The following SRSF4 variants were observed in gnomAD, a reference collection of about 807,000 sequenced individuals.
SRSF4 encodes the protein serine/arginine-rich splicing factor 4.
A neutral mutation model predicts 48.8 loss-of-function variants in SRSF4; 12 were observed. The ratio of observed to expected loss-of-function variants is 0.25; its 90% confidence interval spans 0.16 to 0.40. The LOEUF is 0.40. Ranked by LOEUF, SRSF4 falls within the 10% of genes least tolerant of loss-of-function variation. SRSF4 has a pLI of 1.00. For synonymous variants in SRSF4, 248 were observed against 232.5 expected (o/e 1.07, Z -0.61); for missense variants, 466 against 667.1 (o/e 0.70, Z 3.32).
chr1:29,153,301 C>G (rs1672443295), intron 4 of SRSF4, among the ~76,000 whole-genome samples: 1 of 151,392 alleles, frequency 6.6e-6, no homozygotes, highest in African/African-American at 2.4e-5. Context: ...TCATGCCTGG[C>G]TAATTTTTTT....
chr1:29,153,623 G>A (rs1020898841), intron 4 of SRSF4, among the ~76,000 whole-genome samples: 5 of 147,134 alleles, frequency 3.4e-5, no homozygotes, highest in African/African-American at 5.0e-5. Flanking sequence ...TTTTTGAGAC[G>A]GTGTTTTGCT....
At position 29,150,483 on chromosome 1, in the gene SRSF4, C is replaced by T. The variant is rs529319803; in HGVS notation, c.579-291G>A. Among the ~76,000 whole-genome samples, 5 of 152,118 alleles carry T rather than the reference C, an allele frequency of 3.3e-5. No homozygotes were observed. The East Asian group carries it at 7.7e-4, about 24-fold the overall frequency. On this transcript the variant is annotated intron_variant, in intron 4 of 5. Transcript: ENST00000373795. Reference sequence around the variant, plus strand: ...TTCTCCATGTTGGTCAGGCTGGTTTCGAACTCCTGACCTCAGGTGATCCAC... The same window carrying T: ...TTCTCCATGTTGGTCAGGCTGGTTTTGAACTCCTGACCTCAGGTGATCCAC...
intron 1 of SRSF4, chr1:29,168,769 T>C (rs1672703125): frequency 1.3e-5 from 2 of 152,216 alleles, no homozygotes; most frequent in Non-Finnish European, 2.9e-5. Flanking sequence ...AGATGAAGAC[T>C]TGGATCTAGA....
At chr1:29,155,044 C>G in intron 3 of SRSF4, 134 bp from the exon 4 acceptor site, 1 of 808,730 alleles carries the variant, frequency 1.2e-6, no homozygotes, top group South Asian at 1.8e-5. Flanking sequence ...ATATTTTCAT[C>G]TACCCATCAA....
rs1672332960 is a variant in SRSF4 at position 29,148,072 on chromosome 1, A to C, written c.*338T>G. ...AAGAGCAAAAATGGTTGAACTCACCATACCTACCTATGTGGTCATTCCAGC... is the reference window on the plus strand; with the variant it reads ...AAGAGCAAAAATGGTTGAACTCACCCTACCTACCTATGTGGTCATTCCAGC... On this transcript the variant is annotated 3_prime_UTR_variant, in exon 6 of 6. Coordinates refer to ENST00000373795, the MANE Select transcript of SRSF4 (RefSeq NM_005626.5). The C allele has an allele frequency of 2.0e-6, 1 of 504,300 alleles. No individual in the cohort carries two copies. The highest frequency in any genetic ancestry group is 3.9e-6 in the Non-Finnish European group (1 of 259,290). 31.2% of individuals were successfully genotyped at this position (504,300 alleles called of 1,614,324 possible).
Position 29,148,537 on chromosome 1 carries a change from T to A in SRSF4, c.1358A>T (p.Asn453Ile). The A allele has an allele frequency of 6.2e-7, 1 of 1,614,002 alleles. No individual in the cohort carries two copies. Among genetic ancestry groups the A allele is most frequent in the Non-Finnish European group, 8.5e-7 (1 of 1,180,002 alleles). The change falls in exon 6 of 6, where the codon AAC becomes ATC. Residue 453 changes from asparagine to isoleucine, a missense_variant. Asn to Ile is a moderately radical substitution (Grantham distance 149). Around this residue, in one of 2 missense-constraint regions of SRSF4, gnomAD observed 402 missense variants for 437.0 expected, o/e 0.92. Coordinates refer to ENST00000373795, the MANE Select transcript of SRSF4 (RefSeq NM_005626.5). ...TCTGGAGCGTGATTCTGATGGAAGG[T>A]TTGGTTTCGATTTGGAATTGGATCT... ...RSRSNSKSKP[N>I]LPSESRSRSK... is the part of the protein sequence containing the mutation.
chr1:29,148,942 C>T lies in SRSF4; in HGVS notation c.953G>A (p.Ser318Asn). ...GCTCTTCTCCTGGCTCCTGCCCCTG[C>T]TCACACTCCCTCGCTTCTCCTCCTC... ...RVEEEKRGSV[S>N]RGRSQEKSLR... Residue 318 changes from serine (S) to asparagine (N), a missense_variant, in exon 6 of 6, where the codon AGC becomes AAC. Transcript: ENST00000373795. The T allele has an allele frequency of 6.2e-7, 1 of 1,611,504 alleles. No individual in the cohort carries two copies. Among genetic ancestry groups the T allele is most frequent in the South Asian group, 1.1e-5 (1 of 90,956 alleles).
In SRSF4 at chr1:29,178,583, C is replaced by A. The variant is rs563256943; in HGVS notation, c.107+3063G>T. Among the ~76,000 whole-genome samples the A allele has an allele frequency of 3.3e-5, 5 of 151,942 alleles. No individual in the cohort carries two copies. In the South Asian group the frequency reaches 1.0e-3, roughly 32 times the overall value. On this transcript the variant is annotated intron_variant, in intron 1 of 5. Transcript: ENST00000373795. ...ATCTTAACCAGGATGGTCTCGATCT[C>A]CTGACCTCGTCATCTGCCCGCCTCG... is the stretch of plus-strand genomic sequence containing the variant.
chr1:29,155,953 G>A (rs1672492890), intron 3 of SRSF4, among the ~76,000 whole-genome samples: 3 of 152,146 alleles, frequency 2.0e-5, no homozygotes, highest in Admixed American at 2.0e-4. Flanking sequence ...ATAAATAAGA[G>A]GAGATATGAT....
intron 1 of SRSF4, chr1:29,171,581 C>T (rs1672745296): frequency 6.6e-6 from 1 of 151,768 alleles, no homozygotes; most frequent in African/African-American, 2.4e-5. Flanking sequence ...ATAAGTCATA[C>T]AAATGCATTA....
intron 1 of SRSF4, among the ~76,000 whole-genome samples, chr1:29,164,127 A>G (rs1672636777): frequency 6.6e-6 from 1 of 152,218 alleles, no homozygotes; most frequent in East Asian, 1.9e-4. Flanking sequence ...CTGGGATTAC[A>G]GGCACACGCC....
intron 1 of SRSF4, chr1:29,166,131 G>C (rs1672666090): frequency 6.6e-6 from 1 of 152,148 alleles, no homozygotes; most frequent in Non-Finnish European, 1.5e-5. Context: ...CCTCAATCTA[G>C]AGTCAGTAGC....
At chr1:29,167,394 T>C (rs200751433) in intron 1 of SRSF4, among the ~76,000 whole-genome samples, 1 of 151,614 alleles carries the variant, frequency 6.6e-6, no homozygotes, top group Admixed American at 6.5e-5. Context: ...TTTTTGTTTT[T>C]GTTTTTTTGA....
In SRSF4 at chr1:29,148,070, C is replaced by T; in HGVS notation, c.*340G>A. 2.0e-6 allele frequency: 1 copy of T among 501,038 alleles called. No individual in the cohort carries two copies. Among genetic ancestry groups the T allele is most frequent in the Non-Finnish European group, 3.9e-6 (1 of 257,070 alleles). 31.0% of individuals were successfully genotyped at this position (501,038 alleles called of 1,614,324 possible). ...TCAAGAGCAAAAATGGTTGAACTCA[C>T]CATACCTACCTATGTGGTCATTCCA... On this transcript the variant is annotated 3_prime_UTR_variant, in exon 6 of 6. Coordinates refer to ENST00000373795, the MANE Select transcript of SRSF4 (RefSeq NM_005626.5).
chr1:29,178,559 T>C (rs1251274294), intron 1 of SRSF4, among the ~76,000 whole-genome samples: 1 of 151,902 alleles, frequency 6.6e-6, no homozygotes, highest in Non-Finnish European at 1.5e-5. Context: ...GGTTTCACCA[T>C]CTTAACCAGG....
intron 1 of SRSF4, among the ~76,000 whole-genome samples, chr1:29,173,912 G>C (rs1672792495): frequency 6.6e-6 from 1 of 151,650 alleles, no homozygotes; most frequent in Non-Finnish European, 1.5e-5. Flanking sequence ...ACTCTTGGTG[G>C]GTGCGGTGGC....
intron 1 of SRSF4, among the ~76,000 whole-genome samples, chr1:29,177,283 G>GTTTTTTTT (rs397934546): frequency 7.3e-6 from 1 of 137,880 alleles, no homozygotes; most frequent in African/African-American, 2.7e-5. Context: ...AACTCTTTTT[G>GTTTTTTTT]TTTTTTTTTT....
At chr1:29,166,559 C>T (rs373865421) in intron 1 of SRSF4, among the ~76,000 whole-genome samples, 26 of 152,340 alleles carry the variant, frequency 1.7e-4, no homozygotes, top group East Asian at 1.2e-3. Context: ...TTCCTGGCAA[C>T]AGAGGGTTGT....
intron 1 of SRSF4, among the ~76,000 whole-genome samples, chr1:29,163,926 GT>G (rs1672634010): frequency 6.6e-6 from 1 of 152,162 alleles, no homozygotes; most frequent in Non-Finnish European, 1.5e-5. Flanking sequence ...CTGGGTCTTA[GT>G]TTATTCATGA....
Sources: gnomAD v4.1 joint callset for allele counts (sites outside exome capture counted in the v4.1 genomes callset) on GRCh38, gnomAD v4.1.1 for gene constraint, gnomAD v4.1.1 regional missense constraint, MANE v1.5 for transcripts, NCBI Gene and HGNC (gene_info 2026-07-23, HGNC 2026-07-21) for gene names.